Variants in ZNF487 observed in about 807,000 individuals in gnomAD.
ZNF487 encodes the protein KRAB domain only 1.
Under a neutral mutation model 3.0 loss-of-function variants are expected in ZNF487, and 4 were observed. That is an observed-to-expected ratio of 1.35 (90% CI 0.66 to 3.08). The LOEUF (loss-of-function observed/expected upper bound fraction) is 3.08. ZNF487 is among the 30% of genes most tolerant of loss of function. The probability of loss-of-function intolerance (pLI) is 0.01; values close to 1 mark genes in which losing one functional copy is unlikely to be tolerated. For missense variants in ZNF487, 146 were observed against 98.7 expected (o/e 1.48, Z -2.03); for synonymous variants, 55 against 34.6 (o/e 1.59, Z -2.06).
chr10:43,522,798 A>G, the ZNF487 span, among the ~76,000 whole-genome samples: 1 of 151,628 alleles, frequency 6.6e-6, no homozygotes, highest in Non-Finnish European at 1.5e-5. Flanking sequence ...AAACATATGT[A>G]TTAGTGAGTA....
chr10:43,509,168 T>C, the ZNF487 span, among the ~76,000 whole-genome samples: 1 of 147,692 alleles, frequency 6.8e-6, no homozygotes, highest in African/African-American at 2.5e-5. Context: ...CACTCCAGCG[T>C]GGGTGACAGA....
the ZNF487 span, among the ~76,000 whole-genome samples, chr10:43,503,559 G>C: frequency 6.6e-6 from 1 of 152,096 alleles, no homozygotes; most frequent in Admixed American, 6.6e-5. Flanking sequence ...AGTCCTGCAA[G>C]CTCCATTCAT....
intron 1 of ZNF487, among the ~76,000 whole-genome samples, chr10:43,438,650 G>C (rs887394366): frequency 7.2e-5 from 11 of 152,108 alleles, no homozygotes; most frequent in African/African-American, 2.7e-4. Context: ...AAATGAAAGC[G>C]GGGACTCAGT....
intron 1 of ZNF487, among the ~76,000 whole-genome samples, chr10:43,455,531 G>A (rs1487408451): frequency 2.0e-5 from 3 of 152,272 alleles, no homozygotes; most frequent in Non-Finnish European, 2.9e-5. Flanking sequence ...GTCAACGCCT[G>A]ACGCGCCCCT....
At chr10:43,455,036 T>G (rs1840129820) in intron 1 of ZNF487, among the ~76,000 whole-genome samples, 1 of 145,146 alleles carries the variant, frequency 6.9e-6, no homozygotes, top group Admixed American at 7.0e-5. Context: ...TTGGAGACAG[T>G]CTCGCTCTGT....
At chr10:43,515,160 T>G in the ZNF487 span, among the ~76,000 whole-genome samples, 5 of 152,188 alleles carry the variant, frequency 3.3e-5, no homozygotes, top group African/African-American at 1.2e-4. Flanking sequence ...ACCCTTAATA[T>G]CCATTCCCAT....
In ZNF487 at chr10:43,483,021, C is replaced by A. The variant is rs779103088; in HGVS notation, c.*1099C>A. On this transcript the variant is annotated 3_prime_UTR_variant, in exon 4 of 4. Coordinates refer to ENST00000437590, the MANE Select transcript of ZNF487 (RefSeq NM_001355444.3). ...CTATGAATATAATGAAAGCTTTTAC[C>A]AGAATCCCAACTTCACTAAATGTCA... is the stretch of plus-strand genomic sequence containing the variant. 2 of 476,632 alleles carry A rather than the reference C, an allele frequency of 4.2e-6. No individual in the cohort carries two copies. The highest frequency in any genetic ancestry group is 8.5e-6 in the Non-Finnish European group (2 of 236,504). The allele number at this position is 476,632 out of a possible 1,614,324, so 29.5% of individuals were successfully genotyped here.
chr10:43,445,937 C>G (rs947248788), intron 1 of ZNF487, among the ~76,000 whole-genome samples: 1 of 152,148 alleles, frequency 6.6e-6, no homozygotes, highest in East Asian at 1.9e-4. Flanking sequence ...TTGCACCGCC[C>G]TTAATCCATT....
At chr10:43,503,655 G>A in the ZNF487 span, among the ~76,000 whole-genome samples, 1 of 152,068 alleles carries the variant, frequency 6.6e-6, no homozygotes, top group Non-Finnish European at 1.5e-5. Flanking sequence ...GTCCAGGGTG[G>A]AGTATAGTGG....
intron 1 of ZNF487, among the ~76,000 whole-genome samples, chr10:43,450,597 G>A (rs1157886944): frequency 1.3e-5 from 2 of 152,062 alleles, no homozygotes; most frequent in Non-Finnish European, 2.9e-5. Flanking sequence ...TGATCTGCCC[G>A]CCTCGGCCTC....
intron 1 of ZNF487, among the ~76,000 whole-genome samples, chr10:43,457,353 C>T (rs970690545): frequency 1.3e-5 from 2 of 151,578 alleles, no homozygotes; most frequent in Non-Finnish European, 2.9e-5. Context: ...GTCAGGAGTT[C>T]GAGACCAGCC....
intron 1 of ZNF487, among the ~76,000 whole-genome samples, chr10:43,450,650 G>A (rs890944191): frequency 2.0e-5 from 3 of 151,724 alleles, no homozygotes; most frequent in Non-Finnish European, 4.4e-5. Flanking sequence ...ATGCCCAGCC[G>A]GAAAGCTTTT....
intron 3 of ZNF487, among the ~76,000 whole-genome samples, chr10:43,479,596 C>G (rs1841233711): frequency 6.6e-6 from 1 of 152,014 alleles, no homozygotes; most frequent in South Asian, 2.1e-4. Flanking sequence ...ATAAAAGAAG[C>G]CTGGAGAAAC....
downstream of ZNF487, among the ~76,000 whole-genome samples, chr10:43,484,633 T>A (rs1335351969): frequency 6.6e-6 from 1 of 152,138 alleles, no homozygotes; most frequent in Admixed American, 6.6e-5. Context: ...GATTTCTTTA[T>A]TCCTTTGCAT....
chr10:43,485,962 G>GTAAT (rs1214019502), downstream of ZNF487, among the ~76,000 whole-genome samples: 2 of 152,208 alleles, frequency 1.3e-5, no homozygotes, highest in African/African-American at 2.4e-5. Context: ...ATTTGTGCCT[G>GTAAT]TAATTCTATT....
At chr10:43,462,596 C>T (rs1371528638) in intron 1 of ZNF487, among the ~76,000 whole-genome samples, 3 of 151,124 alleles carry the variant, frequency 2.0e-5, no homozygotes, top group Non-Finnish European at 4.4e-5. Context: ...GCTGGGACTA[C>T]AGGTGTGCAC....
the ZNF487 span, among the ~76,000 whole-genome samples, chr10:43,518,005 C>T: frequency 0.028 from 4,259 of 152,264 alleles, 93 homozygotes; most frequent in South Asian, 0.041. Context: ...GGCAGTCGTC[C>T]TAGCACTGGA....
At chr10:43,462,875 T>A (rs1840483599) in intron 1 of ZNF487, among the ~76,000 whole-genome samples, 1 of 151,312 alleles carries the variant, frequency 6.6e-6, no homozygotes, top group Admixed American at 6.6e-5. Flanking sequence ...ACTCAGGGGA[T>A]CCTCCTGCCT....
At chr10:43,498,800 G>T in the ZNF487 span, among the ~76,000 whole-genome samples, 2 of 151,876 alleles carry the variant, frequency 1.3e-5, no homozygotes, top group East Asian at 3.9e-4. Flanking sequence ...AAATTAGCCG[G>T]GCGTAGTGGC....
Sources: allele counts gnomAD v4.1 joint callset (sites outside exome capture counted in the v4.1 genomes callset), GRCh38; gene constraint gnomAD v4.1.1; transcripts MANE v1.5; gene names NCBI Gene and HGNC (gene_info 2026-07-23, HGNC 2026-07-21).